ABCA13: variants seen among roughly 807,000 people sequenced by gnomAD.
ABCA13 encodes ATP-binding cassette sub-family A member 13.
In ABCA13, 476 loss-of-function variants were observed where a neutral mutation model predicts 478.7. The observed-to-expected ratio is 0.99, with a 90% CI of 0.92 to 1.07. ABCA13 has a LOEUF of 1.07. ABCA13 is among the 50% of genes least tolerant of loss of function. The pLI, the probability that ABCA13 is intolerant of heterozygous loss-of-function variation, is 0.00. For synonymous variants in ABCA13, 2,252 were observed against 2,158.9 expected (o/e 1.04, Z -1.20); for missense variants, 6,060 against 5,910.6 (o/e 1.03, Z -0.83).
intron 32 of ABCA13, among the ~76,000 whole-genome samples, chr7:48,370,973 G>T (rs1321882008): frequency 6.6e-6 from 1 of 152,082 alleles, no homozygotes; most frequent in Non-Finnish European, 1.5e-5. Context: ...TAAGGAAGGA[G>T]TCCAGTTTCA....
At chr7:48,419,653 T>A (rs1820480634) in intron 41 of ABCA13, among the ~76,000 whole-genome samples, 1 of 152,200 alleles carries the variant, frequency 6.6e-6, no homozygotes, top group African/African-American at 2.4e-5. Flanking sequence ...GAACAAGTTG[T>A]TCAATTACTT....
intron 29 of ABCA13, among the ~76,000 whole-genome samples, chr7:48,339,587 T>C (rs1362916622): frequency 6.6e-6 from 1 of 152,236 alleles, no homozygotes; most frequent in Non-Finnish European, 1.5e-5. Context: ...TAGCCAACAG[T>C]ACATTTGAAT....
At chr7:48,303,473 T>C (rs186662570) in intron 23 of ABCA13, among the ~76,000 whole-genome samples, 92 of 152,330 alleles carry the variant, frequency 6.0e-4, no homozygotes, top group African/African-American at 2.0e-3. Flanking sequence ...TTTTGGGTTT[T>C]ACATTTAAAT....
chr7:48,198,994 C>T (rs1798310943), intron 3 of ABCA13, among the ~76,000 whole-genome samples: 1 of 152,042 alleles, frequency 6.6e-6, no homozygotes, highest in Non-Finnish European at 1.5e-5. Flanking sequence ...TACTGAATGC[C>T]CTGGAAACTT....
At chr7:48,501,574 G>C (rs1432939897) in intron 48 of ABCA13, among the ~76,000 whole-genome samples, 3 of 152,162 alleles carry the variant, frequency 2.0e-5, no homozygotes, top group Non-Finnish European at 4.4e-5. Context: ...TAGGAAGAGA[G>C]AGGCAGCCAC....
At position 48,275,997 on chromosome 7, in the gene ABCA13, C is replaced by T. The variant is rs1796252873; in HGVS notation, c.6331C>T (p.Pro2111Ser). ...FAHFLEILDS[P>S]SLKTLEIIED... ...CCATTTCCTGGAAATCCTGGATTCA[C>T]CGTCATTGAAGACATTAGAAATTAT... Residue 2111 changes from proline (P) to serine (S), a missense_variant, in exon 17 of 62, where the codon CCG (proline) becomes TCG (serine). This residue lies in a region of ABCA13 where 4,423 missense variants were observed against 4,309.1 expected (regional missense o/e 1.03). Coordinates refer to ENST00000435803, the MANE Select transcript of ABCA13 (RefSeq NM_152701.5). The T allele has an allele frequency of 1.2e-6, 2 of 1,612,984 alleles. No homozygotes were observed. Among genetic ancestry groups the T allele is most frequent in the Non-Finnish European group, 8.5e-7 (1 of 1,179,472 alleles).
intron 55 of ABCA13, among the ~76,000 whole-genome samples, chr7:48,546,643 T>A (rs1407341376): frequency 6.6e-6 from 1 of 151,724 alleles, no homozygotes; most frequent in Non-Finnish European, 1.5e-5. Context: ...GCAACTGGGA[T>A]AAACTGTTTT....
At chr7:48,524,227 A>T (rs1245342636) in intron 53 of ABCA13, 21 bp from the exon 54 acceptor site, 1 of 1,601,906 alleles carries the variant, frequency 6.2e-7, no homozygotes, top group Non-Finnish European at 8.5e-7. Context: ...GTGTGAATTC[A>T]CTCTGATTTC....
chr7:48,278,860 G>C lies in ABCA13; in HGVS notation c.7666G>C (p.Asp2556His). 6.2e-7 allele frequency: 1 copy of C among 1,613,458 alleles called. No homozygotes were observed. Among genetic ancestry groups the C allele is most frequent in the Non-Finnish European group, 8.5e-7 (1 of 1,179,862 alleles). Residue 2556 changes from aspartate (D) to histidine (H), a missense_variant, in exon 18 of 62, where the codon GAC (aspartate) becomes CAC (histidine). By Grantham distance (81) the Asp-to-His change is moderately conservative. Around this residue, in one of 3 missense-constraint regions of ABCA13, gnomAD observed 4,423 missense variants for 4,309.1 expected, o/e 1.03. Transcript: ENST00000435803. ...TACCAAGGACAGTGTGAAATTCTTT[G>C]ACACTCTGTATTCCATCATGCAACA... ...SNTKDSVKFF[D>H]TLYSIMQQSV...
chr7:48,508,187 C>A, intron 50 of ABCA13, 138 bp downstream of exon 50: 3 of 1,028,484 alleles, frequency 2.9e-6, no homozygotes, highest in East Asian at 2.6e-5. Context: ...TTGATAAGAG[C>A]ATTTCAGATT....
chr7:48,542,713 A>G (rs1167053266), intron 55 of ABCA13, among the ~76,000 whole-genome samples: 1 of 151,714 alleles, frequency 6.6e-6, no homozygotes. Context: ...ATGTTGCTGA[A>G]TGGAAAAGCT....
chr7:48,637,997 A>G (rs1259148335), intron 59 of ABCA13, among the ~76,000 whole-genome samples: 3 of 152,146 alleles, frequency 2.0e-5, no homozygotes, highest in African/African-American at 7.2e-5. Flanking sequence ...TGCACCATAC[A>G]CCTGCATGTA....
At chr7:48,415,886 C>T (rs1819911259) in intron 41 of ABCA13, among the ~76,000 whole-genome samples, 1 of 152,158 alleles carries the variant, frequency 6.6e-6, no homozygotes, top group South Asian at 2.1e-4. Context: ...AACCATAGCA[C>T]ATGTGAATAA....
At chr7:48,180,865 G>T (rs143669260) in intron 1 of ABCA13, among the ~76,000 whole-genome samples, 10,840 of 152,090 alleles carry the variant, frequency 0.071, 468 homozygotes, top group East Asian at 0.16. Context: ...TCCCCCTACA[G>T]CTCTCCAGCC....
chr7:48,344,827 T>C (rs1158166220), intron 29 of ABCA13, among the ~76,000 whole-genome samples: 1 of 152,184 alleles, frequency 6.6e-6, no homozygotes, highest in African/African-American at 2.4e-5. Flanking sequence ...TCCAAAGTGA[T>C]GGAACATGCA....
At chr7:48,381,802 G>A (rs79425012) in intron 35 of ABCA13, among the ~76,000 whole-genome samples, 3 of 152,210 alleles carry the variant, frequency 2.0e-5, no homozygotes, top group Non-Finnish European at 4.4e-5. Context: ...TGTAAATGGA[G>A]GGCCTTTGCA....
chr7:48,592,635 T>C (rs1789874371), intron 57 of ABCA13, among the ~76,000 whole-genome samples: 1 of 151,898 alleles, frequency 6.6e-6, no homozygotes. Context: ...CCTTATTGAT[T>C]TTCTGACTGG....
At chr7:48,254,753 C>A (rs1793133549) in intron 15 of ABCA13, among the ~76,000 whole-genome samples, 1 of 152,166 alleles carries the variant, frequency 6.6e-6, no homozygotes, top group Non-Finnish European at 1.5e-5. Context: ...TCTTCTTTTA[C>A]TACTGGGGTG....
At chr7:48,374,792 T>C (rs1207336410) in intron 34 of ABCA13, among the ~76,000 whole-genome samples, 2 of 152,110 alleles carry the variant, frequency 1.3e-5, no homozygotes, top group African/African-American at 4.8e-5. Context: ...CATGGAGCAG[T>C]CCGTGGCCTG....
Sources: allele counts gnomAD v4.1 joint callset (sites outside exome capture counted in the v4.1 genomes callset), GRCh38; gene constraint gnomAD v4.1.1; regional missense constraint gnomAD v4.1.1; transcripts MANE v1.5; gene names NCBI Gene and HGNC (gene_info 2026-07-23, HGNC 2026-07-21).